PNPLA3: variants seen among roughly 807,000 people sequenced by gnomAD.
PNPLA3 encodes 1-acylglycerol-3-phosphate O-acyltransferase PNPLA3.
PNPLA3 carries 42 observed loss-of-function variants against 43.1 expected under a neutral mutation model. That is an observed-to-expected ratio of 0.97 (90% CI 0.76 to 1.26). PNPLA3 has a LOEUF of 1.26. PNPLA3 is among the 50% of genes most tolerant of loss of function. PNPLA3 has a pLI of 0.00. For synonymous variants in PNPLA3, 272 were observed against 253.6 expected (o/e 1.07, Z -0.69); for missense variants, 647 against 621.4 (o/e 1.04, Z -0.44).
intron 1 of PNPLA3, 30 bp downstream of exon 1, chr22:43,924,128 C>A: frequency 2.7e-6 from 4 of 1,500,468 alleles, no homozygotes; most frequent in Non-Finnish European, 3.5e-6. Context: ...CCGGGCTCCA[C>A]GTGCGGAGTG....
Position 43,923,887 on chromosome 22 carries a change from G to GCGCCCC in PNPLA3, c.-18_-13dup, listed in dbSNP as rs746565984. The GCGCCCC allele has an allele frequency of 2.1e-5, 31 of 1,484,724 alleles. No homozygotes were observed. The East Asian group carries it at 8.4e-4, about 40-fold the overall frequency. 92.0% of individuals were successfully genotyped at this position (1,484,724 alleles called of 1,614,324 possible). The stretch of plus-strand genomic sequence containing the variant: ...CCGATCCCGACCCAGATCCTAACCC[G>GCGCCCC]CGCCCCCGCCCCGCCGCCGCCGCCA... On this transcript the variant is annotated 5_prime_UTR_variant, in exon 1 of 9. Transcript: ENST00000216180.
chr22:43,931,765 C>T (rs371352657), intron 3 of PNPLA3, among the ~76,000 whole-genome samples: 2 of 152,220 alleles, frequency 1.3e-5, no homozygotes, highest in Non-Finnish European at 2.9e-5. Context: ...ATCCATGTGC[C>T]TCAGCCTTCC....
In PNPLA3 at chr22:43,946,465, TGTA is replaced by T; in HGVS notation, c.*86_*88del. On this transcript the variant is annotated 3_prime_UTR_variant, in exon 9 of 9. Coordinates refer to ENST00000216180, the MANE Select transcript of PNPLA3 (RefSeq NM_025225.3). ...TTGTGCAGCTACCTCCGCATTGCTGTGTAGTGACCCCTGCCTGTGACGTGGAGG... is the reference window on the plus strand; with the variant it reads ...TTGTGCAGCTACCTCCGCATTGCTGTGTGACCCCTGCCTGTGACGTGGAGG... 7.6e-7 allele frequency: 1 copy of T among 1,309,410 alleles called. No homozygotes were observed. The highest frequency in any genetic ancestry group is 2.3e-5 in the East Asian group (1 of 43,098). 81.1% of individuals were successfully genotyped at this position (1,309,410 alleles called of 1,614,324 possible). A position where few individuals can be genotyped will look rare whatever the true frequency, so the allele number is the denominator to read the frequency against.
intron 4 of PNPLA3, among the ~76,000 whole-genome samples, 163 bp downstream of exon 4, chr22:43,933,250 C>A (rs1216289535): frequency 1.3e-5 from 2 of 152,170 alleles, no homozygotes; most frequent in Non-Finnish European, 2.9e-5. Flanking sequence ...TCAGGTGAGG[C>A]ACCACCCTGA....
intron 8 of PNPLA3, among the ~76,000 whole-genome samples, chr22:43,945,276 C>T (rs1569017599): frequency 6.6e-6 from 1 of 152,152 alleles, no homozygotes; most frequent in African/African-American, 2.4e-5. Context: ...GTCCTCCACC[C>T]TCTGTTGTAC....
chr22:43,937,256 G>A lies in PNPLA3; in HGVS notation c.963G>A (p.Ser321=), dbSNP rs900674378. 3.8e-5 allele frequency: 61 copies of A among 1,613,666 alleles called. No individual in the cohort carries two copies. The East Asian group carries it at 1.2e-3, about 33-fold the overall frequency. The change falls in exon 6 of 9, where the codon TCG becomes TCA. Residue 321 remains serine, a synonymous_variant. Coordinates refer to ENST00000216180, the MANE Select transcript of PNPLA3 (RefSeq NM_025225.3). ...ATGAGAGCATCCTGGACACCCTCTC[G>A]CCCAGGCTCGCTACAGGTACCCACT... ...PWDESILDTL[S]PRLATALSEE...
rs762068780 is a variant in PNPLA3, at chr22:43,932,947, C to G, written c.556C>G (p.Pro186Ala). Residue 186 changes from proline to alanine, a missense_variant, in exon 4 of 9, where the codon CCC (proline) becomes GCC (alanine). Pro to Ala is a conservative substitution (Grantham distance 27, BLOSUM62 -1). Coordinates refer to ENST00000216180, the MANE Select transcript of PNPLA3 (RefSeq NM_025225.3). ...IDAKTTITVS[P>A]FYGEYDICPK... ...TGCCAAAACAACCATCACCGTGTCC[C>G]CCTTCTATGGGGAGTACGACATCTG... 2.5e-6 allele frequency: 4 copies of G among 1,614,184 alleles called. No individual in the cohort carries two copies. The highest frequency in any genetic ancestry group is 3.4e-6 in the Non-Finnish European group (4 of 1,180,032).
chr22:43,932,728 G>A (rs935052027), intron 3 of PNPLA3, 150 bp from the exon 4 acceptor site: 18 of 692,850 alleles, frequency 2.6e-5, no homozygotes, highest in East Asian at 5.4e-5. Flanking sequence ...AGGATTTGTC[G>A]CAGGAGTGAT....
intron 3 of PNPLA3, among the ~76,000 whole-genome samples, chr22:43,929,685 C>T (rs12484801): frequency 0.18 from 26,501 of 148,250 alleles, 2,958 homozygotes; most frequent in East Asian, 0.37. Context: ...CAACCTCCAC[C>T]TCACAGGTTC....
At chr22:43,925,721 A>G (rs1048103887) in intron 1 of PNPLA3, among the ~76,000 whole-genome samples, 1 of 152,202 alleles carries the variant, frequency 6.6e-6, no homozygotes, top group Non-Finnish European at 1.5e-5. Context: ...TGTGGCCTCC[A>G]GGAGGATTAG....
intron 2 of PNPLA3, among the ~76,000 whole-genome samples, chr22:43,927,955 T>G (rs1430797083): frequency 6.6e-6 from 1 of 152,274 alleles, no homozygotes; most frequent in Admixed American, 6.5e-5. Flanking sequence ...CAGGTGTGCC[T>G]CTCCCGAGCT....
intron 6 of PNPLA3, among the ~76,000 whole-genome samples, chr22:43,939,747 C>T (rs1399915776): frequency 3.3e-5 from 5 of 152,082 alleles, no homozygotes; most frequent in East Asian, 1.9e-4. Flanking sequence ...ACCCAGGAGG[C>T]GGAGGTTGCA....
Position 43,946,138 on chromosome 22 carries a change from C to T in PNPLA3, c.1218-16C>T, listed in dbSNP as rs1255854903. ...GCGGGAACGGCCTCTAAGCCAACTT[C>T]CTCCATGTGTTTCAGGTCCCAAATG... On this transcript the variant is annotated splice_polypyrimidine_tract_variant and intron_variant, in intron 8 of 8. Coordinates refer to ENST00000216180, the MANE Select transcript of PNPLA3 (RefSeq NM_025225.3). The T allele has an allele frequency of 1.2e-6, 2 of 1,610,426 alleles. No homozygotes were observed. Among genetic ancestry groups the T allele is most frequent in the South Asian group, 1.1e-5 (1 of 91,032 alleles).
intron 6 of PNPLA3, among the ~76,000 whole-genome samples, chr22:43,938,800 G>A (rs1460581488): frequency 6.6e-6 from 1 of 152,202 alleles, no homozygotes; most frequent in Non-Finnish European, 1.5e-5. Context: ...ATAAAAGACT[G>A]GGGCTCCAGG....
rs1298461907 is a variant in PNPLA3 at position 43,946,995 on chromosome 22, A to T, written c.*613A>T. ...TTAAAGAGTTTTGTATAAAAATGTA[A>T]GGAAGCGTTGTTACCTGTTGAATTT... On this transcript the variant is annotated 3_prime_UTR_variant, in exon 9 of 9. Transcript: ENST00000216180. 1 of 284,338 alleles carries T rather than the reference A, an allele frequency of 3.5e-6. No homozygotes were observed. Among genetic ancestry groups the T allele is most frequent in the Admixed American group, 4.9e-5 (1 of 20,292 alleles). The allele number at this position is 284,338 out of a possible 1,614,324, so 17.6% of individuals were successfully genotyped here.
chr22:43,942,825 C>T (rs900945201), intron 7 of PNPLA3, among the ~76,000 whole-genome samples: 2 of 151,556 alleles, frequency 1.3e-5, no homozygotes, highest in African/African-American at 2.4e-5. Flanking sequence ...ACCTCAACCT[C>T]CTAAGTAGCT....
In PNPLA3 at chr22:43,937,365, G is replaced by C. The variant is rs907544295; in HGVS notation, c.979+93G>C. The stretch of plus-strand genomic sequence containing the variant: ...GGTACTGCCACATGGGAGCGATAGG[G>C]TGAGGCAACCATGACAGGTGGTTGG... On this transcript the variant is annotated intron_variant, in intron 6 of 8. Transcript: ENST00000216180. 3.4e-6 allele frequency: 4 copies of C among 1,185,160 alleles called. No homozygotes were observed. In the East Asian group the frequency reaches 1.0e-4, roughly 30 times the overall value. The allele number at this position is 1,185,160 out of a possible 1,614,324, so 73.4% of individuals were successfully genotyped here.
chr22:43,944,633 T>G, intron 7 of PNPLA3, 58 bp from the exon 8 acceptor site: 2 of 1,391,714 alleles, frequency 1.4e-6, no homozygotes, highest in Non-Finnish European at 1.0e-6. Context: ...AAGGGTAGTG[T>G]TGTAAGCTGT....
rs866388723 is a variant in PNPLA3, at chr22:43,946,541, C to G, written c.*159C>G. Reference sequence around the variant, plus strand: ...GGTTTTATGAAAAGCTAGGAAGCAACCTTTCGCCTGTGCAGCGGTCCAGCA... The same window carrying G: ...GGTTTTATGAAAAGCTAGGAAGCAAGCTTTCGCCTGTGCAGCGGTCCAGCA... On this transcript the variant is annotated 3_prime_UTR_variant, in exon 9 of 9. Transcript: ENST00000216180. 4.9e-5 allele frequency: 37 copies of G among 747,474 alleles called. No individual in the cohort carries two copies. The highest frequency in any genetic ancestry group is 4.6e-4 in the Middle Eastern group (2 of 4,306). The allele number at this position is 747,474 out of a possible 1,614,324, so 46.3% of individuals were successfully genotyped here.
Sources: allele counts gnomAD v4.1 joint callset (sites outside exome capture counted in the v4.1 genomes callset), GRCh38; gene constraint gnomAD v4.1.1; transcripts MANE v1.5; gene names NCBI Gene and HGNC (gene_info 2026-07-23, HGNC 2026-07-21).